IQGAP1: variants seen among roughly 807,000 people sequenced by gnomAD.
IQGAP1 encodes IQ motif containing GTPase activating protein 1.
A neutral mutation model predicts 215.6 loss-of-function variants in IQGAP1; 66 were observed. The ratio of observed to expected loss-of-function variants is 0.31; its 90% CI spans 0.25 to 0.38. IQGAP1 has a LOEUF of 0.38. Ranked by LOEUF, IQGAP1 falls within the 10% of genes least tolerant of loss-of-function variation. The pLI is 1.00. For synonymous variants in IQGAP1, 772 were observed against 728.7 expected, an observed-to-expected ratio of 1.06 and a Z score of -0.96; for missense variants, 1,712 against 1,997.1, an observed-to-expected ratio of 0.86 and a Z score of 2.72.
Position 90,456,266 on chromosome 15 carries a change from C to T in IQGAP1, c.1727C>T (p.Ala576Val), listed in dbSNP as rs779764919. The change falls in exon 15 of 38, where the codon GCC (alanine) becomes GTC (valine). Residue 576 changes from alanine to valine, a missense_variant. Coordinates refer to ENST00000268182, the MANE Select transcript of IQGAP1 (RefSeq NM_003870.4). The part of the protein sequence containing the change: ...AKLEGVLAEV[A>V]QHYQDTLIRA... ...CTTGAGGGAGTCCTTGCAGAAGTGG[C>T]CCAGCATTACCAAGACACGCTGATT... 1 of 1,613,986 alleles carries T rather than the reference C, an allele frequency of 6.2e-7. No homozygotes were observed. The highest frequency in any genetic ancestry group is 1.7e-5 in the Admixed American group (1 of 59,998).
rs747578818 is a variant in IQGAP1, at chr15:90,466,055, T to C, written c.1831T>C (p.Trp611Arg). 1 of 1,614,162 alleles carries C rather than the reference T, an allele frequency of 6.2e-7. No homozygotes were observed. The highest frequency in any genetic ancestry group is 1.1e-5 in the South Asian group (1 of 91,074). ...GTTGGATGAAATTCAAGGTGGAATC[T>C]GGCAGTCCAACAAAGACACCCAAGA... ...LWLDEIQGGI[W>R]QSNKDTQEAQ... Residue 611 changes from tryptophan to arginine, a missense_variant, in exon 16 of 38, where the codon TGG (tryptophan) becomes CGG (arginine). Transcript: ENST00000268182.
rs1326667907 is a variant in IQGAP1, at chr15:90,441,595, C to G, written c.739C>G (p.Leu247Val). Residue 247 changes from leucine (L) to valine (V), a missense_variant, in exon 8 of 38, where the codon CTT becomes GTT. This residue lies in a region of IQGAP1 where 1,021 missense variants were observed against 1,074.2 expected (regional missense o/e 0.95). Coordinates refer to ENST00000268182, the MANE Select transcript of IQGAP1 (RefSeq NM_003870.4). ...AGCTTTGAAAAATCCGAATGCCATG[C>G]TTGTAAATCTTGAAGAGCCCTTGGC... ...FAALKNPNAM[L>V]VNLEEPLAST... 6.2e-7 allele frequency: 1 copy of G among 1,613,588 alleles called. No homozygotes were observed. The highest frequency in any genetic ancestry group is 1.3e-5 in the African/African-American group (1 of 74,868).
intron 2 of IQGAP1, among the ~76,000 whole-genome samples, chr15:90,423,238 T>G (rs1186497351): frequency 6.6e-6 from 1 of 152,180 alleles, no homozygotes; most frequent in South Asian, 2.1e-4. Context: ...AGTTTGGTCC[T>G]GATTTGTTCG....
rs567637020 is a variant in IQGAP1 at position 90,494,710 on chromosome 15, C to T, written c.4629-3C>T. ...AGAAAGTGACATGATGTGATTTTTA[C>T]AGAGTCTCCAAAAAGCCTAGGGAAA... On this transcript the variant is annotated splice_region_variant and splice_polypyrimidine_tract_variant and intron_variant, in intron 35 of 37. Coordinates refer to ENST00000268182, the MANE Select transcript of IQGAP1 (RefSeq NM_003870.4). 1 of 1,599,652 alleles carries T rather than the reference C, an allele frequency of 6.3e-7. No individual in the cohort carries two copies. Among genetic ancestry groups the T allele is most frequent in the East Asian group, 2.3e-5 (1 of 44,422 alleles).
At chr15:90,449,453 C>T (rs1042668506) in intron 10 of IQGAP1, 106 bp from the exon 11 acceptor site, 2 of 901,696 alleles carry the variant, frequency 2.2e-6, no homozygotes, top group South Asian at 1.7e-5. Context: ...TCACTTATGA[C>T]TATGGCTCTC....
Position 90,429,821 on chromosome 15 carries a change from G to GT in IQGAP1, c.390+159dup. ...GTCTTTCTTTTTGACTTAGGAAATA[G>GT]TTTTGTTCTTTTTCTTTTATAATCC... On this transcript the variant is annotated intron_variant, in intron 4 of 37. Coordinates refer to ENST00000268182, the MANE Select transcript of IQGAP1 (RefSeq NM_003870.4). 3 of 498,390 alleles carry GT rather than the reference G, an allele frequency of 6.0e-6. No individual in the cohort carries two copies. The South Asian group carries it at 1.1e-4, about 18-fold the overall frequency. 30.9% of individuals were successfully genotyped at this position (498,390 alleles called of 1,614,324 possible). A position where few individuals can be genotyped will look rare whatever the true frequency, so the allele number is the denominator to read the frequency against.
chr15:90,482,240 C>T lies in IQGAP1; in HGVS notation c.3514C>T (p.His1172Tyr), dbSNP rs752923204. The T allele has an allele frequency of 6.2e-6, 10 of 1,614,090 alleles. No homozygotes were observed. In the South Asian group the frequency reaches 1.1e-4, roughly 18 times the overall value. The change falls in exon 28 of 38, where the codon CAT (histidine) becomes TAT (tyrosine). Residue 1172 changes from histidine to tyrosine, a missense_variant. Around this residue, in one of 2 missense-constraint regions of IQGAP1, gnomAD observed 691 missense variants for 923.0 expected, o/e 0.75. Transcript: ENST00000268182. ...FIAKVLKDSL[H>Y]EKFPDAGEDE... ...TGCCAAAGTGCTGAAGGACTCGTTG[C>T]ATGAGAAGTTCCCTGATGCTGGTGA...
intron 2 of IQGAP1, among the ~76,000 whole-genome samples, chr15:90,411,208 A>T (rs1186196056): frequency 1.3e-5 from 2 of 152,124 alleles, no homozygotes; most frequent in African/African-American, 4.8e-5. Flanking sequence ...CTTTATTATA[A>T]CTTTTCTCTT....
At chr15:90,455,224 C>T (rs1965661968) in intron 14 of IQGAP1, among the ~76,000 whole-genome samples, 1 of 152,072 alleles carries the variant, frequency 6.6e-6, no homozygotes, top group Non-Finnish European at 1.5e-5. Context: ...TATTTGGGTT[C>T]GTTACATATG....
chr15:90,501,279 T>G lies in IQGAP1; in HGVS notation c.*1171T>G, dbSNP rs1190099809. ...TCCTTTTTTCTCTTGCTGCCCACAT[T>G]GTGCCTTTATTTTATGAGCCCCAGT... On this transcript the variant is annotated 3_prime_UTR_variant, in exon 38 of 38. Transcript: ENST00000268182. 1 of 152,038 alleles carries G rather than the reference T, an allele frequency of 6.6e-6. No individual in the cohort carries two copies. Among genetic ancestry groups the G allele is most frequent in the Non-Finnish European group, 1.5e-5 (1 of 68,024 alleles). The allele number at this position is 152,038 out of a possible 1,614,324, so 9.4% of individuals were successfully genotyped here.
chr15:90,500,030 C>T lies in IQGAP1; in HGVS notation c.4896C>T (p.Val1632=). 6.2e-7 allele frequency: 1 copy of T among 1,611,788 alleles called. No individual in the cohort carries two copies. Among genetic ancestry groups the T allele is most frequent in the Non-Finnish European group, 8.5e-7 (1 of 1,177,902 alleles). Residue 1632 remains valine, a synonymous_variant, in exon 38 of 38, where the codon GTC becomes GTT. Coordinates refer to ENST00000268182, the MANE Select transcript of IQGAP1 (RefSeq NM_003870.4). ...LLQLQYEGVA[V]MKLFDRAKVN... ...AGCTACAGTATGAAGGAGTTGCAGT[C>T]ATGAAATTATTTGATAGAGCTAAAG... is the stretch of plus-strand genomic sequence containing the variant.
In IQGAP1 at chr15:90,388,324, G is replaced by A; in HGVS notation, c.-18G>A. On this transcript the variant is annotated 5_prime_UTR_variant, in exon 1 of 38. Transcript: ENST00000268182. ...AAGGTTTCACGGCTTCCTCAGCAGA[G>A]ACTCGGGCTCGTCCGCCATGTCCGC... The A allele has an allele frequency of 1.9e-6, 3 of 1,596,372 alleles. No homozygotes were observed. The highest frequency in any genetic ancestry group is 1.1e-5 in the South Asian group (1 of 90,402).
chr15:90,396,738 G>C (rs78322062), intron 2 of IQGAP1, among the ~76,000 whole-genome samples: 7 of 152,182 alleles, frequency 4.6e-5, no homozygotes, highest in African/African-American at 1.7e-4. Context: ...ATTAAAAGTG[G>C]TTGAAGCTGA....
At chr15:90,413,549 T>G (rs965432210) in intron 2 of IQGAP1, among the ~76,000 whole-genome samples, 2 of 152,216 alleles carry the variant, frequency 1.3e-5, no homozygotes, top group Non-Finnish European at 2.9e-5. Context: ...TTAGACGTAA[T>G]GTCAGCAAGG....
intron 2 of IQGAP1, among the ~76,000 whole-genome samples, chr15:90,422,527 TA>T (rs1965151645): frequency 6.6e-6 from 1 of 150,760 alleles, no homozygotes. Context: ...GTTAAATTTT[TA>T]TGTAAACTTA....
intron 2 of IQGAP1, among the ~76,000 whole-genome samples, chr15:90,425,897 G>A (rs776902742): frequency 6.6e-6 from 1 of 152,174 alleles, no homozygotes; most frequent in Non-Finnish European, 1.5e-5. Context: ...GGAGAAGAAA[G>A]TGGCATTTAT....
intron 26 of IQGAP1, among the ~76,000 whole-genome samples, chr15:90,480,210 C>G (rs942586601): frequency 1.4e-5 from 2 of 139,852 alleles, no homozygotes; most frequent in Admixed American, 7.0e-5. Flanking sequence ...GCAATGTAGA[C>G]CCCATATCTT....
In IQGAP1 at chr15:90,441,700, C is replaced by G. The variant is rs760903110; in HGVS notation, c.828+16C>G. The G allele has an allele frequency of 6.5e-7, 1 of 1,535,882 alleles. No individual in the cohort carries two copies. Among genetic ancestry groups the G allele is most frequent in the East Asian group, 2.3e-5 (1 of 44,112 alleles). On this transcript the variant is annotated intron_variant, in intron 8 of 37. Coordinates refer to ENST00000268182, the MANE Select transcript of IQGAP1 (RefSeq NM_003870.4). ...TAAAAACAGGGTAAAAATGCAACATCTATTCTTTCTAATTAATTTATATTA... is the reference window on the plus strand; with the variant it reads ...TAAAAACAGGGTAAAAATGCAACATGTATTCTTTCTAATTAATTTATATTA...
chr15:90,475,421 G>A (rs1965965328), intron 23 of IQGAP1, among the ~76,000 whole-genome samples: 1 of 151,776 alleles, frequency 6.6e-6, no homozygotes, highest in Non-Finnish European at 1.5e-5. Context: ...ACAAACATGA[G>A]CCACCATGCC....
Sources: gnomAD v4.1 joint callset for allele counts (sites outside exome capture counted in the v4.1 genomes callset) on GRCh38, gnomAD v4.1.1 for gene constraint, gnomAD v4.1.1 regional missense constraint, MANE v1.5 for transcripts, NCBI Gene and HGNC (gene_info 2026-07-23, HGNC 2026-07-21) for gene names.